Variants in ABTB3 observed in about 807,000 individuals in gnomAD.
ABTB3 encodes ankyrin repeat- and BTB/POZ domain-containing protein 3.
At chr12:107,379,000 T>G in the ABTB3 span, among the ~76,000 whole-genome samples, 138,313 of 152,238 alleles carry the variant, frequency 0.91, 62,877 homozygotes, top group East Asian at 0.97. Context: ...GGCAGTGTGG[T>G]GTAGTGGTTA....
chr12:107,627,498 C>T, the ABTB3 span, among the ~76,000 whole-genome samples: 5 of 152,232 alleles, frequency 3.3e-5, no homozygotes, highest in African/African-American at 1.2e-4. Flanking sequence ...AGCCAGGATC[C>T]TGACCCAGAC....
the ABTB3 span, among the ~76,000 whole-genome samples, chr12:107,571,060 C>A: frequency 2.0e-5 from 3 of 152,196 alleles, no homozygotes; most frequent in African/African-American, 7.2e-5. Context: ...AATAATAGCA[C>A]TTACTTCAGG....
the ABTB3 span, among the ~76,000 whole-genome samples, chr12:107,421,270 T>C: frequency 2.0e-5 from 3 of 152,144 alleles, no homozygotes; most frequent in Non-Finnish European, 4.4e-5. Flanking sequence ...TTTCTCCAAA[T>C]TGCATGAGGT....
the ABTB3 span, among the ~76,000 whole-genome samples, chr12:107,642,788 C>A: frequency 1.3e-5 from 2 of 151,472 alleles, no homozygotes; most frequent in Admixed American, 6.6e-5. Flanking sequence ...GCTTCCTGGT[C>A]CAAGGCCAGA....
chr12:107,342,738 A>T, the ABTB3 span, among the ~76,000 whole-genome samples: 1 of 152,034 alleles, frequency 6.6e-6, no homozygotes, highest in East Asian at 1.9e-4. Flanking sequence ...GCTTCTGCTC[A>T]AGTCATTTGC....
the ABTB3 span, among the ~76,000 whole-genome samples, chr12:107,482,972 C>G: frequency 1.7e-5 from 1 of 59,080 alleles, no homozygotes; most frequent in Admixed American, 2.0e-4. Flanking sequence ...TTCTTTCTTT[C>G]TTTCTTTCTT....
the ABTB3 span, among the ~76,000 whole-genome samples, chr12:107,500,330 T>C: frequency 2.7e-3 from 413 of 152,254 alleles, no homozygotes; most frequent in African/African-American, 7.8e-3. Context: ...GTTGTCTGGA[T>C]TGTGCTTCCC....
At chr12:107,373,810 C>T in the ABTB3 span, among the ~76,000 whole-genome samples, 616 of 152,348 alleles carry the variant, frequency 4.0e-3, no homozygotes, top group Admixed American at 6.2e-3. Flanking sequence ...GGCCCCGTAA[C>T]TCAGCATCCT....
the ABTB3 span, among the ~76,000 whole-genome samples, chr12:107,363,286 A>T: frequency 1.3e-5 from 2 of 152,256 alleles, no homozygotes; most frequent in Non-Finnish European, 2.9e-5. Flanking sequence ...CACAACAGAG[A>T]GGACTTGACA....
the ABTB3 span, among the ~76,000 whole-genome samples, chr12:107,408,174 G>A: frequency 1.3e-5 from 2 of 152,126 alleles, no homozygotes; most frequent in African/African-American, 2.4e-5. Flanking sequence ...CTGTGTGGCC[G>A]AGATTTTCTG....
At chr12:107,451,026 T>C in the ABTB3 span, among the ~76,000 whole-genome samples, 1 of 152,100 alleles carries the variant, frequency 6.6e-6, no homozygotes, top group Non-Finnish European at 1.5e-5. Flanking sequence ...GATTCTCAAG[T>C]CAAGGAATTC....
the ABTB3 span, chr12:107,319,528 C>T: frequency 6.4e-7 from 1 of 1,561,880 alleles, no homozygotes. Flanking sequence ...GCGCCGGCGG[C>T]GACCGCCTGG....
At chr12:107,493,152 C>T in the ABTB3 span, among the ~76,000 whole-genome samples, 1 of 151,962 alleles carries the variant, frequency 6.6e-6, no homozygotes, top group East Asian at 1.9e-4. Flanking sequence ...CCAAAGGCAT[C>T]ACCTGGGGAC....
At chr12:107,542,048 A>T in the ABTB3 span, among the ~76,000 whole-genome samples, 3 of 152,108 alleles carry the variant, frequency 2.0e-5, no homozygotes, top group Non-Finnish European at 1.5e-5. Context: ...GGTGGGTCAC[A>T]CCTGTAATCC....
the ABTB3 span, among the ~76,000 whole-genome samples, chr12:107,542,352 C>T: frequency 6.7e-6 from 1 of 150,228 alleles, no homozygotes; most frequent in South Asian, 2.1e-4. Context: ...TCTTAGGCGG[C>T]TGTCTCCCAA....
At chr12:107,330,616 C>T in the ABTB3 span, among the ~76,000 whole-genome samples, 1 of 152,294 alleles carries the variant, frequency 6.6e-6, no homozygotes, top group Non-Finnish European at 1.5e-5. Context: ...TGTCCAAGAT[C>T]ACACAGCAGA....
the ABTB3 span, among the ~76,000 whole-genome samples, chr12:107,386,311 A>T: frequency 6.6e-6 from 1 of 152,184 alleles, no homozygotes; most frequent in Non-Finnish European, 1.5e-5. Flanking sequence ...GTCAGTTGAT[A>T]TTTGCTTGTG....
the ABTB3 span, among the ~76,000 whole-genome samples, chr12:107,563,361 G>C: frequency 9.0e-4 from 137 of 152,290 alleles, 1 homozygote; most frequent in South Asian, 0.01. Context: ...CAAAGTACCA[G>C]CACTGTTCGA....
chr12:107,643,065 C>T, the ABTB3 span, among the ~76,000 whole-genome samples: 11 of 152,108 alleles, frequency 7.2e-5, no homozygotes, highest in Admixed American at 2.6e-4. Flanking sequence ...TTGATCCTGC[C>T]AGGCTGTCTT....
Sources: allele counts gnomAD v4.1 joint callset (sites outside exome capture counted in the v4.1 genomes callset), GRCh38; gene constraint gnomAD v4.1.1; transcripts MANE v1.5; gene names NCBI Gene and HGNC (gene_info 2026-07-23, HGNC 2026-07-21).